GPC5: variants seen among roughly 807,000 people sequenced by gnomAD.
GPC5 encodes glypican-5.
Under a neutral mutation model 53.9 loss-of-function variants are expected in GPC5, and 47 were observed. The observed-to-expected ratio is 0.87, with a 90% CI of 0.69 to 1.11. The LOEUF is 1.11. Ranked by LOEUF, GPC5 falls within the 50% of genes most tolerant of loss-of-function variation. The pLI is 0.00. For synonymous variants in GPC5, 286 were observed against 263.3 expected, an observed-to-expected ratio of 1.09 and a Z score of -0.84; for missense variants, 748 against 713.1, an observed-to-expected ratio of 1.05 and a Z score of -0.56.
intron 7 of GPC5, among the ~76,000 whole-genome samples, chr13:92,649,645 G>A (rs552422393): frequency 6.6e-6 from 1 of 152,084 alleles, no homozygotes; most frequent in African/African-American, 2.4e-5. Context: ...AAAGCAAACA[G>A]TCCCTGATAT....
At position 92,420,302 on chromosome 13, in the gene GPC5, C is replaced by T. The variant is rs1056680528; in HGVS notation, c.1561+275313C>T. 3.3e-5 allele frequency among the ~76,000 whole-genome samples: 5 copies of T among 151,972 alleles called. No individual in the cohort carries two copies. In the East Asian group the frequency reaches 7.7e-4, roughly 23 times the overall value. On this transcript the variant is annotated intron_variant, in intron 7 of 7. Coordinates refer to ENST00000377067, the MANE Select transcript of GPC5 (RefSeq NM_004466.6). ...AGGTAAGATTATTTTAAGTATTCTT[C>T]TAAGAGAATTTCTTACAGAATATTA...
At chr13:91,777,346 T>A (rs1369220913) in intron 5 of GPC5, among the ~76,000 whole-genome samples, 1 of 152,244 alleles carries the variant, frequency 6.6e-6, no homozygotes, top group Non-Finnish European at 1.5e-5. Flanking sequence ...GTTATCTGCT[T>A]CTGTTCTTAG....
At chr13:92,285,741 C>T (rs1487991629) in intron 7 of GPC5, among the ~76,000 whole-genome samples, 1 of 152,118 alleles carries the variant, frequency 6.6e-6, no homozygotes, top group Non-Finnish European at 1.5e-5. Context: ...AAAATTAATT[C>T]AAGATGGATT....
intron 2 of GPC5, among the ~76,000 whole-genome samples, chr13:91,480,837 A>G (rs144264523): frequency 6.6e-5 from 10 of 152,254 alleles, no homozygotes; most frequent in Non-Finnish European, 1.3e-4. Context: ...GGACAGGACC[A>G]GTTACTGTAA....
chr13:91,933,423 A>G (rs2039840465), intron 6 of GPC5, among the ~76,000 whole-genome samples: 1 of 151,998 alleles, frequency 6.6e-6, no homozygotes, highest in Admixed American at 6.6e-5. Context: ...AGAAGTAATC[A>G]CTGCATAGAG....
intron 5 of GPC5, among the ~76,000 whole-genome samples, chr13:91,830,719 T>C (rs2038641492): frequency 6.8e-6 from 1 of 146,802 alleles, no homozygotes; most frequent in African/African-American, 2.5e-5. Context: ...TAATAGGATA[T>C]ATATATATGT....
intron 7 of GPC5, among the ~76,000 whole-genome samples, chr13:92,786,515 C>G (rs1361727644): frequency 6.6e-6 from 1 of 151,718 alleles, no homozygotes; most frequent in Admixed American, 6.6e-5. Context: ...TAAACAAAGG[C>G]AGAAGTGAAA....
At chr13:92,538,418 C>G (rs1881797120) in intron 7 of GPC5, among the ~76,000 whole-genome samples, 1 of 150,902 alleles carries the variant, frequency 6.6e-6, no homozygotes, top group Non-Finnish European at 1.5e-5. Context: ...TTCCCTACCT[C>G]TCTTCCTCCT....
chr13:92,353,121 G>T (rs1046952806), intron 7 of GPC5, among the ~76,000 whole-genome samples: 1 of 151,320 alleles, frequency 6.6e-6, no homozygotes. Flanking sequence ...TTAGCCAGGC[G>T]CGGTGGCGGG....
chr13:92,085,488 T>C (rs998545619), intron 6 of GPC5, among the ~76,000 whole-genome samples: 1 of 152,082 alleles, frequency 6.6e-6, no homozygotes, highest in Non-Finnish European at 1.5e-5. Context: ...TAGAGCAACA[T>C]TTTTGGCACC....
chr13:92,031,856 AATAT>A (rs546775143), intron 6 of GPC5, among the ~76,000 whole-genome samples: 1 of 104,306 alleles, frequency 9.6e-6, no homozygotes, highest in African/African-American at 3.9e-5. Flanking sequence ...TATTATATAT[AATAT>A]ATATATTATA....
intron 7 of GPC5, among the ~76,000 whole-genome samples, chr13:92,387,245 C>G (rs755318095): frequency 6.6e-6 from 1 of 152,048 alleles, no homozygotes; most frequent in Non-Finnish European, 1.5e-5. Context: ...ATATTCAACA[C>G]CTTTGTATAA....
intron 7 of GPC5, among the ~76,000 whole-genome samples, chr13:92,227,776 T>C (rs541993123): frequency 6.6e-6 from 1 of 152,248 alleles, no homozygotes; most frequent in African/African-American, 2.4e-5. Flanking sequence ...TTGTGGCTAA[T>C]AATTGTATAT....
intron 7 of GPC5, among the ~76,000 whole-genome samples, chr13:92,701,141 T>A (rs1365248000): frequency 2.6e-5 from 4 of 152,130 alleles, no homozygotes; most frequent in African/African-American, 9.6e-5. Context: ...ATGTGTCTAA[T>A]TTATTTTTGT....
At chr13:91,814,643 C>T (rs1386361888) in intron 5 of GPC5, among the ~76,000 whole-genome samples, 2 of 152,042 alleles carry the variant, frequency 1.3e-5, no homozygotes, top group Non-Finnish European at 2.9e-5. Context: ...TGGGTTCAAG[C>T]GATTCTTCTG....
intron 6 of GPC5, among the ~76,000 whole-genome samples, chr13:92,037,502 T>C (rs2040903396): frequency 1.3e-5 from 2 of 152,220 alleles, no homozygotes; most frequent in African/African-American, 4.8e-5. Flanking sequence ...GTTTTCTTAA[T>C]AGCATGTACT....
At chr13:92,167,562 A>C (rs570206572) in intron 7 of GPC5, among the ~76,000 whole-genome samples, 1 of 152,332 alleles carries the variant, frequency 6.6e-6, no homozygotes, top group African/African-American at 2.4e-5. Flanking sequence ...CTTTTGAGTA[A>C]AATAAATGGT....
At chr13:91,850,817 A>C (rs1313734828) in intron 5 of GPC5, among the ~76,000 whole-genome samples, 3 of 152,162 alleles carry the variant, frequency 2.0e-5, no homozygotes, top group Non-Finnish European at 4.4e-5. Flanking sequence ...ACACAAGAAA[A>C]AGGTTGTTTT....
At position 92,555,802 on chromosome 13, in the gene GPC5, C is replaced by T. The variant is rs184153696; in HGVS notation, c.1562-310480C>T. ...TTAAAATATATATTACATATATATT[C>T]CCTAACTAGCAAAATACATCTGCTA... On this transcript the variant is annotated intron_variant, in intron 7 of 7. Coordinates refer to ENST00000377067, the MANE Select transcript of GPC5 (RefSeq NM_004466.6). Among the ~76,000 whole-genome samples the T allele has an allele frequency of 1.0e-4, 15 of 149,792 alleles. No individual in the cohort carries two copies. The East Asian group carries it at 2.7e-3, about 27-fold the overall frequency.
Sources: allele counts gnomAD v4.1 joint callset (sites outside exome capture counted in the v4.1 genomes callset), GRCh38; gene constraint gnomAD v4.1.1; transcripts MANE v1.5; gene names NCBI Gene and HGNC (gene_info 2026-07-23, HGNC 2026-07-21).